The following ABCB4 variants were observed in gnomAD, a reference collection of about 807,000 sequenced individuals.
ABCB4 encodes the protein ATP binding cassette subfamily B member 4.
Under a neutral mutation model 145.7 loss-of-function variants are expected in ABCB4, and 76 were observed. That is an observed-to-expected ratio of 0.52 (90% confidence interval 0.43 to 0.63). ABCB4 has a LOEUF of 0.63. Among genes scored for constraint, ABCB4 ranks in the 30% least tolerant of loss-of-function variants. The pLI, the probability that ABCB4 is intolerant of heterozygous loss-of-function variation, is 0.00. For synonymous variants in ABCB4, 517 were observed against 566.8 expected (o/e 0.91, Z 1.25); for missense variants, 1,234 against 1,553.1 (o/e 0.79, Z 3.45).
intron 4 of ABCB4, among the ~76,000 whole-genome samples, chr7:87,459,018 A>G (rs1812284819): frequency 6.6e-6 from 1 of 152,104 alleles, no homozygotes; most frequent in Non-Finnish European, 1.5e-5. Context: ...ACTGCTCCAA[A>G]TAAGAAAGTT....
At chr7:87,417,148 C>G (rs368908904) in intron 21 of ABCB4, among the ~76,000 whole-genome samples, 164 bp downstream of exon 21, 3 of 152,162 alleles carry the variant, frequency 2.0e-5, no homozygotes, top group Non-Finnish European at 4.4e-5. Flanking sequence ...TATTTAAGTT[C>G]TAGACATTAA....
chr7:87,472,268 G>T (rs1813476150), intron 3 of ABCB4, among the ~76,000 whole-genome samples: 1 of 152,134 alleles, frequency 6.6e-6, no homozygotes, highest in African/African-American at 2.4e-5. Context: ...ACCCAGGCTG[G>T]AGTGCAGTGG....
the ABCB4 span, among the ~76,000 whole-genome samples, chr7:87,384,051 G>C: frequency 5.3e-5 from 8 of 151,914 alleles, no homozygotes; most frequent in African/African-American, 1.7e-4. Flanking sequence ...AATGTATGAG[G>C]GTTCCCTTTT....
the ABCB4 span, chr7:87,382,173 C>T: frequency 6.2e-7 from 1 of 1,603,164 alleles, no homozygotes; most frequent in Non-Finnish European, 8.5e-7. Flanking sequence ...AGCCCAGTAT[C>T]TCAGGGAGGT....
At chr7:87,398,136 C>A (rs1807605361), downstream of ABCB4, among the ~76,000 whole-genome samples, 1 of 148,370 alleles carries the variant, frequency 6.7e-6, no homozygotes, top group South Asian at 2.1e-4. Context: ...TTCAAGTACT[C>A]TTTAAAAACA....
intron 26 of ABCB4, chr7:87,406,010 G>T (rs1268265686): frequency 1.9e-6 from 1 of 518,246 alleles, no homozygotes; most frequent in Non-Finnish European, 3.5e-6. Context: ...AGTACCATAG[G>T]GCTAAACCAA....
Position 87,443,676 on chromosome 7 carries a change from C to G in ABCB4, c.1217G>C (p.Arg406Pro). 1 of 1,613,486 alleles carries G rather than the reference C, an allele frequency of 6.2e-7. No homozygotes were observed. ...TACTTACAGTACCTTGACGTTAGCT[C>G]GAGAAGGGTAAGAAAAGTGAACATC... ...FNDVHFSYPS[R>P]ANVKILKGLN... The change falls in exon 11 of 28, where the codon CGA (arginine) becomes CCA (proline). Residue 406 changes from arginine to proline, a missense_variant. Transcript: ENST00000649586.
At chr7:87,385,149 T>C in the ABCB4 span, among the ~76,000 whole-genome samples, 3,210 of 152,112 alleles carry the variant, frequency 0.021, 116 homozygotes, top group African/African-American at 0.071. Context: ...TTTTTTTTTT[T>C]CCCCTGGTAT....
the ABCB4 span, among the ~76,000 whole-genome samples, chr7:87,392,339 C>G: frequency 1.3e-5 from 2 of 152,136 alleles, no homozygotes; most frequent in Non-Finnish European, 2.9e-5. Flanking sequence ...GTGCTGCCCA[C>G]AAGTTCATAG....
At chr7:87,370,329 C>T in the ABCB4 span, among the ~76,000 whole-genome samples, 11 of 152,104 alleles carry the variant, frequency 7.2e-5, no homozygotes, top group South Asian at 1.2e-3. Flanking sequence ...ATTATAGGTG[C>T]GCACCACCAT....
intron 1 of ABCB4, 76 bp from the exon 2 acceptor site, chr7:87,475,547 G>T: frequency 2.7e-6 from 4 of 1,463,180 alleles, no homozygotes; most frequent in South Asian, 1.2e-5. Context: ...GGGCCCGGGG[G>T]CACTGGGTGG....
At chr7:87,470,949 C>T (rs1200464039) in intron 3 of ABCB4, among the ~76,000 whole-genome samples, 1 of 152,078 alleles carries the variant, frequency 6.6e-6, no homozygotes, top group African/African-American at 2.4e-5. Context: ...TTCACAATAG[C>T]AAAGACTTGG....
intron 3 of ABCB4, among the ~76,000 whole-genome samples, chr7:87,465,391 G>A (rs1036960329): frequency 6.6e-5 from 10 of 152,166 alleles, no homozygotes; most frequent in African/African-American, 2.2e-4. Context: ...CTCTTGAGTA[G>A]GTAAACAAAG....
chr7:87,408,183 T>C lies in ABCB4; in HGVS notation c.3133A>G (p.Thr1045Ala), dbSNP rs767182556. 6.2e-7 allele frequency: 1 copy of C among 1,614,164 alleles called. No homozygotes were observed. The highest frequency in any genetic ancestry group is 1.1e-5 in the South Asian group (1 of 91,082). ...TFNEVVFNYP[T>A]RANVPVLQGL... is the part of the protein sequence containing the mutation. ...TGAAGCACTGGCACGTTTGCTCGGG[T>C]GGGATAGTTGAACACGACTTCATTA... is the stretch of plus-strand genomic sequence containing the variant. The change falls in exon 25 of 28, where the codon ACC becomes GCC. Residue 1045 changes from threonine to alanine, a missense_variant. Around this residue, in one of 7 missense-constraint regions of ABCB4, gnomAD observed 301 missense variants for 389.0 expected, o/e 0.77. Coordinates refer to ENST00000649586, the MANE Select transcript of ABCB4 (RefSeq NM_000443.4).
chr7:87,410,444 C>T lies in ABCB4; in HGVS notation c.2925-1052G>A, dbSNP rs184605233. 3.3e-5 allele frequency among the ~76,000 whole-genome samples: 5 copies of T among 152,256 alleles called. No individual in the cohort carries two copies. The East Asian group carries it at 9.6e-4, about 29-fold the overall frequency. On this transcript the variant is annotated intron_variant, in intron 23 of 27. Transcript: ENST00000649586. ...AACTAAGTTTTAAAATAGTGATGAA[C>T]AACCCACATGTGGCTGCATAGCTTC...
chr7:87,424,862 A>C (rs1809698856), intron 16 of ABCB4, among the ~76,000 whole-genome samples: 1 of 152,178 alleles, frequency 6.6e-6, no homozygotes, highest in Admixed American at 6.5e-5. Flanking sequence ...AGGTCTCATA[A>C]AGAATGTTTT....
In ABCB4 at chr7:87,413,688, C is replaced by G; in HGVS notation, c.2712G>C (p.Arg904Ser). Residue 904 changes from arginine (R) to serine (S), a missense_variant, in exon 22 of 28, where the codon AGG (arginine) becomes AGC (serine). Arg to Ser is a moderately radical substitution (Grantham distance 110). Transcript: ENST00000649586. ...TTTCCTGGGTCAAAGACACAACTGT[C>G]CTAATATTTTCTATTGCCTCTGTTG... ...KIATEAIENI[R>S]TVVSLTQERK... 1 of 1,612,640 alleles carries G rather than the reference C, an allele frequency of 6.2e-7. No individual in the cohort carries two copies. The highest frequency in any genetic ancestry group is 1.3e-5 in the African/African-American group (1 of 75,008).
chr7:87,444,814 A>G, intron 10 of ABCB4, 48 bp downstream of exon 10: 1 of 1,409,902 alleles, frequency 7.1e-7, no homozygotes, highest in Non-Finnish European at 9.8e-7. Flanking sequence ...AGATTTAATT[A>G]TACAAGCTCA....
intron 2 of ABCB4, 147 bp downstream of exon 2, chr7:87,475,239 C>T: frequency 1.1e-6 from 1 of 916,592 alleles, no homozygotes; most frequent in Non-Finnish European, 1.8e-6. Context: ...GCTCCAAGGT[C>T]AGAACCGGAT....
Sources: allele counts gnomAD v4.1 joint callset (sites outside exome capture counted in the v4.1 genomes callset), GRCh38; gene constraint gnomAD v4.1.1; regional missense constraint gnomAD v4.1.1; transcripts MANE v1.5; gene names NCBI Gene and HGNC (gene_info 2026-07-23, HGNC 2026-07-21).